STAU2: variants seen among roughly 807,000 people sequenced by gnomAD.
The protein encoded by STAU2 is staufen double-stranded RNA binding protein 2.
Under a neutral mutation model 65.9 loss-of-function variants are expected in STAU2, and 20 were observed. The observed-to-expected ratio is 0.30, with a 90% CI of 0.21 to 0.44. The LOEUF is 0.44. Ranked by LOEUF, STAU2 falls within the 20% of genes least tolerant of loss-of-function variation. The pLI is 1.00. For missense variants in STAU2, 558 were observed against 683.9 expected, an observed-to-expected ratio of 0.82 and a Z score of 2.05; for synonymous variants, 232 against 233.9, an observed-to-expected ratio of 0.99 and a Z score of 0.07.
At chr8:73,469,959 C>T (rs146222946) in intron 13 of STAU2, among the ~76,000 whole-genome samples, 3 of 152,196 alleles carry the variant, frequency 2.0e-5, no homozygotes, top group Non-Finnish European at 4.4e-5. Flanking sequence ...GTGGGAGGGG[C>T]CTGACTGATC....
intron 13 of STAU2, among the ~76,000 whole-genome samples, chr8:73,547,208 G>C (rs114977784): frequency 6.6e-6 from 1 of 152,130 alleles, no homozygotes; most frequent in Non-Finnish European, 1.5e-5. Flanking sequence ...GTGCATAAAG[G>C]CTCAAAATAA....
intron 13 of STAU2, among the ~76,000 whole-genome samples, chr8:73,532,320 G>A (rs1490195405): frequency 6.6e-6 from 1 of 152,124 alleles, no homozygotes; most frequent in Non-Finnish European, 1.5e-5. Flanking sequence ...AGTACCTTGT[G>A]CGGGGAACGT....
At position 73,574,862 on chromosome 8, in the gene STAU2, A is replaced by G. The variant is rs532623007; in HGVS notation, c.1222+7908T>C. On this transcript the variant is annotated intron_variant, in intron 12 of 14. Coordinates refer to ENST00000524300, the MANE Select transcript of STAU2 (RefSeq NM_001164380.2). The stretch of plus-strand genomic sequence containing the variant: ...CATGGCACATGTATACATATGTAAC[A>G]AACCTGCACATTGTGCACATGTACC... 6.6e-5 allele frequency among the ~76,000 whole-genome samples: 10 copies of G among 152,176 alleles called. No homozygotes were observed. In the South Asian group the frequency reaches 1.5e-3, roughly 22 times the overall value.
chr8:73,700,285 A>AC (rs1819999711), intron 4 of STAU2, among the ~76,000 whole-genome samples: 1 of 152,262 alleles, frequency 6.6e-6, no homozygotes, highest in Admixed American at 6.5e-5. Flanking sequence ...CACTTTCACC[A>AC]CTGTTATTCA....
chr8:73,660,014 G>T (rs1046960139), intron 6 of STAU2, among the ~76,000 whole-genome samples: 6 of 152,002 alleles, frequency 3.9e-5, no homozygotes, highest in African/African-American at 1.4e-4. Flanking sequence ...ACTCAAAAAG[G>T]ATTTCAATAG....
At chr8:73,744,712 G>T (rs957009566) in intron 1 of STAU2, among the ~76,000 whole-genome samples, 1 of 152,124 alleles carries the variant, frequency 6.6e-6, no homozygotes, top group African/African-American at 2.4e-5. Flanking sequence ...CCAAGCTCAA[G>T]TATTTAGGAG....
chr8:73,472,488 G>A (rs1311615249), intron 13 of STAU2, among the ~76,000 whole-genome samples: 1 of 152,102 alleles, frequency 6.6e-6, no homozygotes, highest in Admixed American at 6.5e-5. Flanking sequence ...CTGTAAGTGT[G>A]CACTATTAGA....
At chr8:73,726,320 G>T (rs2130730447) in intron 3 of STAU2, among the ~76,000 whole-genome samples, 1 of 152,318 alleles carries the variant, frequency 6.6e-6, no homozygotes. Context: ...ACTACACATT[G>T]AGTACAGTGT....
intron 6 of STAU2, among the ~76,000 whole-genome samples, chr8:73,634,750 C>T (rs1413417385): frequency 6.6e-6 from 1 of 152,184 alleles, no homozygotes; most frequent in African/African-American, 2.4e-5. Context: ...TTTACAATGG[C>T]TGATCTCCTG....
intron 13 of STAU2, among the ~76,000 whole-genome samples, chr8:73,541,256 A>C (rs1806524535): frequency 6.6e-6 from 1 of 152,030 alleles, no homozygotes; most frequent in African/African-American, 2.4e-5. Flanking sequence ...AAAAGGCAAA[A>C]AAAGTGGGCC....
At chr8:73,625,291 T>C (rs1813553600) in intron 6 of STAU2, among the ~76,000 whole-genome samples, 2 of 152,196 alleles carry the variant, frequency 1.3e-5, no homozygotes, top group South Asian at 4.1e-4. Context: ...TTATTCCTAA[T>C]AGTCAGAAAG....
intron 3 of STAU2, among the ~76,000 whole-genome samples, chr8:73,718,766 CTT>C (rs1051525659): frequency 6.6e-6 from 1 of 152,172 alleles, no homozygotes; most frequent in African/African-American, 2.4e-5. Flanking sequence ...TTTTGTTAGA[CTT>C]ATCTCTAAGT....
At chr8:73,718,908 T>A (rs959473585) in intron 3 of STAU2, among the ~76,000 whole-genome samples, 5 of 152,226 alleles carry the variant, frequency 3.3e-5, no homozygotes, top group South Asian at 2.1e-4. Context: ...GCTATAGTAA[T>A]TTATTAGTTC....
At chr8:73,611,455 G>C (rs1330815673) in intron 9 of STAU2, among the ~76,000 whole-genome samples, 1 of 152,098 alleles carries the variant, frequency 6.6e-6, no homozygotes, top group Admixed American at 6.5e-5. Flanking sequence ...ATGCATAGGA[G>C]GGAAGTTCTG....
At chr8:73,660,541 G>A (rs1816757349) in intron 6 of STAU2, among the ~76,000 whole-genome samples, 1 of 152,190 alleles carries the variant, frequency 6.6e-6, no homozygotes, top group Non-Finnish European at 1.5e-5. Flanking sequence ...CAAGTTATTA[G>A]TACTTGAATA....
chr8:73,606,955 T>C (rs1056591227), intron 9 of STAU2, among the ~76,000 whole-genome samples: 3 of 152,066 alleles, frequency 2.0e-5, no homozygotes, highest in African/African-American at 7.2e-5. Context: ...TTATGCTGGG[T>C]TAAAGAAGCC....
At chr8:73,455,869 T>C (rs1056705079) in intron 13 of STAU2, among the ~76,000 whole-genome samples, 1 of 152,150 alleles carries the variant, frequency 6.6e-6, no homozygotes, top group Non-Finnish European at 1.5e-5. Flanking sequence ...CCCCAACACA[T>C]AACCTAAAAC....
At chr8:73,563,447 G>T (rs958898926) in intron 12 of STAU2, among the ~76,000 whole-genome samples, 2 of 152,156 alleles carry the variant, frequency 1.3e-5, no homozygotes, top group Admixed American at 6.5e-5. Flanking sequence ...TCAATCCAGG[G>T]CTGGGGGTAG....
intron 10 of STAU2, among the ~76,000 whole-genome samples, chr8:73,596,080 C>T (rs1191767127): frequency 6.6e-6 from 1 of 151,610 alleles, no homozygotes; most frequent in Non-Finnish European, 1.5e-5. Flanking sequence ...CCACTGCACT[C>T]CAGCCTGGGG....
Sources: gnomAD v4.1 joint callset for allele counts (sites outside exome capture counted in the v4.1 genomes callset) on GRCh38, gnomAD v4.1.1 for gene constraint, MANE v1.5 for transcripts, NCBI Gene and HGNC (gene_info 2026-07-23, HGNC 2026-07-21) for gene names.